Variants in UBR1 observed in about 807,000 individuals in gnomAD.
The protein encoded by UBR1 is ubiquitin protein ligase E3 component n-recognin 1.
UBR1 carries 102 observed loss-of-function variants against 242.1 expected under a neutral mutation model. The observed-to-expected ratio is 0.42, with a 90% CI of 0.36 to 0.50. UBR1 has a LOEUF of 0.50. Among genes scored for constraint, UBR1 ranks in the 20% least tolerant of loss-of-function variants. The pLI, the probability that UBR1 is intolerant of heterozygous loss-of-function variation, is 0.01. For missense variants in UBR1, 1,772 were observed against 2,101.8 expected, an observed-to-expected ratio of 0.84 and a Z score of 3.07; for synonymous variants, 675 against 684.8, an observed-to-expected ratio of 0.99 and a Z score of 0.22.
intron 29 of UBR1, chr15:43,011,865 C>A: frequency 4.5e-6 from 2 of 440,430 alleles, no homozygotes; most frequent in Admixed American, 2.5e-5. Flanking sequence ...TGTCTAAAGT[C>A]AGATGAATAA....
At chr15:42,966,677 C>CAAA (rs201069916) in intron 40 of UBR1, among the ~76,000 whole-genome samples, 2 of 95,190 alleles carry the variant, frequency 2.1e-5, no homozygotes, top group African/African-American at 7.7e-5. Flanking sequence ...GACGCTGACT[C>CAAA]AAAAAAAAAA....
At chr15:43,002,845 C>T (rs1317427178) in intron 31 of UBR1, 141 bp from the exon 32 acceptor site, 2 of 1,014,108 alleles carry the variant, frequency 2.0e-6, no homozygotes, top group Non-Finnish European at 3.0e-6. Context: ...TGCAAAAACA[C>T]ACAAGTTGTA....
intron 6 of UBR1, among the ~76,000 whole-genome samples, 199 bp downstream of exon 6, chr15:43,067,697 TAA>T (rs1208477913): frequency 6.6e-6 from 1 of 152,154 alleles, no homozygotes; most frequent in African/African-American, 2.4e-5. Context: ...TTATTTAAAA[TAA>T]AAGATGAAAG....
chr15:43,056,932 C>T (rs757094029), intron 10 of UBR1, among the ~76,000 whole-genome samples: 2 of 152,092 alleles, frequency 1.3e-5, no homozygotes, highest in Non-Finnish European at 2.9e-5. Flanking sequence ...CATACTGGTA[C>T]ATAACAGCTG....
Position 42,952,480 on chromosome 15 carries a change from T to C in UBR1, c.4836-32A>G, listed in dbSNP as rs1246293510. Reference sequence around the variant, plus strand: ...AGAGAAGAAAACATTTAGAGAATGATGGAAAAACAAAACAAAACAAATAAG... The same window carrying C: ...AGAGAAGAAAACATTTAGAGAATGACGGAAAAACAAAACAAAACAAATAAG... On this transcript the variant is annotated intron_variant, in intron 44 of 46. Transcript: ENST00000290650. 5 of 1,613,128 alleles carry C rather than the reference T, an allele frequency of 3.1e-6. No homozygotes were observed. In the South Asian group the frequency reaches 3.3e-5, roughly 11 times the overall value.
In UBR1 at chr15:42,950,609, C is replaced by T. The variant is rs186771984; in HGVS notation, c.5007-246G>A. ...GGTGAAATGAGATCATTTATACTGA[C>T]GGAATCTGTTGAAGGGAGGAAACTG... On this transcript the variant is annotated intron_variant, in intron 45 of 46. Coordinates refer to ENST00000290650, the MANE Select transcript of UBR1 (RefSeq NM_174916.3). The T allele has an allele frequency of 1.2e-3, 600 of 495,922 alleles. 2 individuals carry two copies. The highest frequency in any genetic ancestry group is 3.0e-3 in the Admixed American group (90 of 30,248). 30.7% of individuals were successfully genotyped at this position (495,922 alleles called of 1,614,324 possible). A position where few individuals can be genotyped will look rare whatever the true frequency, so the allele number is the denominator to read the frequency against.
chr15:43,025,354 G>A (rs1313399969), intron 24 of UBR1, 27 bp downstream of exon 24: 1 of 1,597,228 alleles, frequency 6.3e-7, no homozygotes, highest in South Asian at 1.1e-5. Context: ...TAGTCAAAAT[G>A]AGTCAATTCA....
At chr15:43,007,358 TA>T (rs2032849113) in intron 29 of UBR1, 74 bp from the exon 30 acceptor site, 2 of 1,272,248 alleles carry the variant, frequency 1.6e-6, no homozygotes, top group African/African-American at 2.9e-5. Flanking sequence ...AGATTTTAAG[TA>T]ACTATAGGCA....
intron 46 of UBR1, 146 bp downstream of exon 46, chr15:42,950,116 G>T: frequency 1.3e-6 from 1 of 777,602 alleles, no homozygotes; most frequent in Non-Finnish European, 2.2e-6. Flanking sequence ...TAGGAATACA[G>T]GTATAAGCCA....
intron 23 of UBR1, 79 bp downstream of exon 23, chr15:43,026,482 A>G: frequency 7.8e-7 from 1 of 1,280,020 alleles, no homozygotes. Flanking sequence ...GAAACTATAG[A>G]AAAAGCAGAA....
At chr15:43,036,055 T>A in intron 19 of UBR1, 123 bp downstream of exon 19, 1 of 798,474 alleles carries the variant, frequency 1.3e-6, no homozygotes, top group Non-Finnish European at 2.0e-6. Flanking sequence ...AATGTGCACA[T>A]GTACCCTAAA....
chr15:43,023,858 G>A (rs1056137902), intron 25 of UBR1, among the ~76,000 whole-genome samples: 3 of 152,116 alleles, frequency 2.0e-5, no homozygotes, highest in Non-Finnish European at 2.9e-5. Flanking sequence ...TTAGGAATTA[G>A]TATGACAAAT....
intron 29 of UBR1, among the ~76,000 whole-genome samples, chr15:43,014,742 G>T (rs2032985681): frequency 6.6e-6 from 1 of 152,056 alleles, no homozygotes; most frequent in Non-Finnish European, 1.5e-5. Context: ...CGTCTGGGAA[G>T]TGAGGACCGT....
At chr15:42,970,921 G>C (rs2032195139) in intron 39 of UBR1, among the ~76,000 whole-genome samples, 3 of 151,878 alleles carry the variant, frequency 2.0e-5, no homozygotes, top group African/African-American at 4.8e-5. Flanking sequence ...CACCATGTTA[G>C]TCAGGCTGGT....
At chr15:43,045,858 A>C (rs149876948) in intron 14 of UBR1, among the ~76,000 whole-genome samples, 200 of 152,328 alleles carry the variant, frequency 1.3e-3, no homozygotes, top group African/African-American at 4.7e-3. Flanking sequence ...ATCGATAATA[A>C]ATGTATTAGG....
At chr15:43,030,351 T>C (rs1180623311) in intron 20 of UBR1, among the ~76,000 whole-genome samples, 1 of 152,186 alleles carries the variant, frequency 6.6e-6, no homozygotes, top group Non-Finnish European at 1.5e-5. Flanking sequence ...TACATACACA[T>C]ACACATACTC....
intron 29 of UBR1, among the ~76,000 whole-genome samples, chr15:43,012,773 A>G (rs1482643972): frequency 6.6e-6 from 1 of 152,298 alleles, no homozygotes; most frequent in Non-Finnish European, 1.5e-5. Context: ...ATATCTTTTT[A>G]TTTTTAATCA....
chr15:42,959,570 A>G (rs1225700697), intron 43 of UBR1, among the ~76,000 whole-genome samples: 5 of 152,244 alleles, frequency 3.3e-5, no homozygotes, highest in African/African-American at 1.2e-4. Flanking sequence ...TAAATTTTCC[A>G]GAGTATTTCA....
In UBR1 at chr15:42,962,248, G is replaced by C. The variant is rs530827676; in HGVS notation, c.4701-1547C>G. ...AATTTAACAGGAGTTAGTAATAAAA[G>C]TGATGGAAGGGCTGAGAAGCCAACC... On this transcript the variant is annotated intron_variant, in intron 42 of 46. Coordinates refer to ENST00000290650, the MANE Select transcript of UBR1 (RefSeq NM_174916.3). Among the ~76,000 whole-genome samples the C allele has an allele frequency of 3.9e-5, 6 of 152,248 alleles. No individual in the cohort carries two copies. In the East Asian group the frequency reaches 1.2e-3, roughly 29 times the overall value.
Sources: gnomAD v4.1 joint callset for allele counts (sites outside exome capture counted in the v4.1 genomes callset) on GRCh38, gnomAD v4.1.1 for gene constraint, MANE v1.5 for transcripts, NCBI Gene and HGNC (gene_info 2026-07-23, HGNC 2026-07-21) for gene names.